The following BACH2 variants were observed in gnomAD, a reference collection of about 807,000 sequenced individuals.
BACH2 encodes the protein transcription regulator protein BACH2.
BACH2 carries 5 observed loss-of-function variants against 61.8 expected under a neutral mutation model. That is an observed-to-expected ratio of 0.08 (90% CI 0.04 to 0.17). The LOEUF (loss-of-function observed/expected upper bound fraction) is 0.17. Ranked by LOEUF, BACH2 falls within the 10% of genes least tolerant of loss-of-function variation. BACH2 has a pLI of 1.00. For missense variants in BACH2, 824 were observed against 1,091.1 expected (o/e 0.76, Z 3.45); for synonymous variants, 446 against 440.1 (o/e 1.01, Z -0.17).
At chr6:89,944,288 G>A (rs966367669) in intron 7 of BACH2, among the ~76,000 whole-genome samples, 3 of 152,212 alleles carry the variant, frequency 2.0e-5, no homozygotes, top group Non-Finnish European at 2.9e-5. Context: ...GGTGGAGAAA[G>A]TGCCTGGGAA....
At chr6:90,200,544 T>C (rs1386747470) in intron 4 of BACH2, among the ~76,000 whole-genome samples, 1 of 152,140 alleles carries the variant, frequency 6.6e-6, no homozygotes, top group Non-Finnish European at 1.5e-5. Context: ...CACTCTCTGT[T>C]TTCTATCTGC....
intron 3 of BACH2, among the ~76,000 whole-genome samples, chr6:90,221,960 G>C (rs201785098): frequency 6.6e-6 from 1 of 151,734 alleles, no homozygotes; most frequent in East Asian, 1.9e-4. Flanking sequence ...AGAAACACAA[G>C]GTGAACTAAA....
At chr6:89,943,648 G>A (rs932288008) in intron 7 of BACH2, among the ~76,000 whole-genome samples, 1 of 152,134 alleles carries the variant, frequency 6.6e-6, no homozygotes, top group Non-Finnish European at 1.5e-5. Flanking sequence ...CGCTTGCCTA[G>A]TGTCTCTGCT....
chr6:90,076,435 C>T (rs1781474373), intron 5 of BACH2, among the ~76,000 whole-genome samples: 2 of 152,182 alleles, frequency 1.3e-5, no homozygotes, highest in South Asian at 4.1e-4. Context: ...GTAACCCATA[C>T]TCCAAGCACA....
chr6:89,969,050 CT>C (rs76254643), intron 6 of BACH2, among the ~76,000 whole-genome samples: 1,256 of 113,950 alleles, frequency 0.011, 9 homozygotes, highest in African/African-American at 0.027. Context: ...AAAATGTAGT[CT>C]TTTTTTTTTT....
chr6:90,270,261 T>A (rs1307377440), intron 2 of BACH2, among the ~76,000 whole-genome samples: 1 of 152,208 alleles, frequency 6.6e-6, no homozygotes, highest in Non-Finnish European at 1.5e-5. Context: ...GATTGCTAGA[T>A]GGAATGGTAG....
At chr6:90,208,344 TAAAC>T (rs1407380273) in intron 3 of BACH2, among the ~76,000 whole-genome samples, 1 of 151,878 alleles carries the variant, frequency 6.6e-6, no homozygotes, top group Non-Finnish European at 1.5e-5. Context: ...ACAAAGAACT[TAAAC>T]AAATTTACAA....
At chr6:89,964,573 T>C (rs1346185657) in intron 6 of BACH2, among the ~76,000 whole-genome samples, 1 of 152,248 alleles carries the variant, frequency 6.6e-6, no homozygotes, top group African/African-American at 2.4e-5. Context: ...TGTACTCTTA[T>C]TAATTCCTTT....
intron 7 of BACH2, among the ~76,000 whole-genome samples, chr6:89,942,657 A>C (rs1326066912): frequency 6.6e-6 from 1 of 152,134 alleles, no homozygotes; most frequent in Non-Finnish European, 1.5e-5. Flanking sequence ...CACAGGCTGC[A>C]TATAAGGGGA....
intron 6 of BACH2, among the ~76,000 whole-genome samples, chr6:89,956,310 G>A (rs1279441969): frequency 2.6e-5 from 4 of 152,196 alleles, no homozygotes; most frequent in Admixed American, 1.3e-4. Context: ...AGACCTCGGA[G>A]AAGGCAGAAA....
At chr6:90,224,375 C>T (rs1406220335) in intron 3 of BACH2, among the ~76,000 whole-genome samples, 4 of 152,160 alleles carry the variant, frequency 2.6e-5, no homozygotes, top group Non-Finnish European at 5.9e-5. Context: ...CTCTGAAACG[C>T]TGCCTGGCAT....
At chr6:90,001,916 G>A (rs1040396567) in intron 6 of BACH2, among the ~76,000 whole-genome samples, 6 of 152,166 alleles carry the variant, frequency 3.9e-5, no homozygotes, top group East Asian at 1.9e-4. Flanking sequence ...TTTTGACACC[G>A]TTTCCCTCCA....
chr6:90,280,749 A>G (rs1771835201), intron 1 of BACH2, among the ~76,000 whole-genome samples: 1 of 152,220 alleles, frequency 6.6e-6, no homozygotes, highest in Non-Finnish European at 1.5e-5. Context: ...TTGTGGCCCC[A>G]GTCAAGTCTA....
At chr6:90,020,213 A>C (rs1778298873) in intron 5 of BACH2, among the ~76,000 whole-genome samples, 1 of 152,162 alleles carries the variant, frequency 6.6e-6, no homozygotes, top group South Asian at 2.1e-4. Context: ...TTCTTTAAAA[A>C]TCAGTCAGCC....
At chr6:90,177,465 G>A (rs551859132) in intron 4 of BACH2, among the ~76,000 whole-genome samples, 20 of 152,294 alleles carry the variant, frequency 1.3e-4, no homozygotes, top group Admixed American at 4.6e-4. Context: ...TTTTACAAAC[G>A]AGGAAACTGA....
At chr6:90,016,327 T>C (rs1180407642) in intron 5 of BACH2, among the ~76,000 whole-genome samples, 1 of 152,244 alleles carries the variant, frequency 6.6e-6, no homozygotes, top group Admixed American at 6.5e-5. Context: ...ATTTGTTCTT[T>C]ATTCTCTTTT....
intron 4 of BACH2, among the ~76,000 whole-genome samples, chr6:90,198,240 G>GCCCATGGCTTGCTTGCA (rs1323081176): frequency 6.6e-6 from 1 of 152,082 alleles, no homozygotes; most frequent in African/African-American, 2.4e-5. Context: ...GCTTGCTTGT[G>GCCCATGGCTTGCTTGCA]CCCATGGCTT....
intron 3 of BACH2, among the ~76,000 whole-genome samples, chr6:90,251,293 G>A (rs1329223222): frequency 6.6e-6 from 1 of 151,832 alleles, no homozygotes; most frequent in Middle Eastern, 3.2e-3. Flanking sequence ...TCCTTCAAAT[G>A]GAAATAAAGA....
intron 5 of BACH2, among the ~76,000 whole-genome samples, chr6:90,042,491 G>A (rs982580761): frequency 6.6e-6 from 1 of 151,916 alleles, no homozygotes; most frequent in Non-Finnish European, 1.5e-5. Flanking sequence ...CGACCACTGT[G>A]CCCAGCCAAG....
Sources: allele counts gnomAD v4.1 joint callset (sites outside exome capture counted in the v4.1 genomes callset), GRCh38; gene constraint gnomAD v4.1.1; transcripts MANE v1.5; gene names NCBI Gene and HGNC (gene_info 2026-07-23, HGNC 2026-07-21).